RAB11FIP4: variants seen among roughly 807,000 people sequenced by gnomAD.
RAB11FIP4 encodes RAB11 family interacting protein 4.
RAB11FIP4 carries 23 observed loss-of-function variants against 74.3 expected under a neutral mutation model. The ratio of observed to expected loss-of-function variants is 0.31; its 90% CI spans 0.22 to 0.44. The LOEUF (loss-of-function observed/expected upper bound fraction) is 0.44, where lower values mean the gene tolerates loss of function less well. Among genes scored for constraint, RAB11FIP4 ranks in the 20% least tolerant of loss-of-function variants. The pLI is 1.00. For missense variants in RAB11FIP4, 630 were observed against 863.9 expected, an observed-to-expected ratio of 0.73 and a Z score of 3.39; for synonymous variants, 360 against 359.9, an observed-to-expected ratio of 1.00 and a Z score of 0.00.
chr17:31,458,067 G>A (rs11871954), intron 3 of RAB11FIP4, among the ~76,000 whole-genome samples: 2,530 of 152,268 alleles, frequency 0.017, 72 homozygotes, highest in African/African-American at 0.058. Flanking sequence ...TAGGTACTGT[G>A]GTACCCATTT....
At chr17:31,530,596 CCACATGA>C in intron 14 of RAB11FIP4, 127 bp downstream of exon 14, 1 of 1,254,576 alleles carries the variant, frequency 8.0e-7, no homozygotes, top group Non-Finnish European at 1.1e-6. Context: ...TACAGCTACC[CCACATGA>C]CAGGGCAAGG....
intron 1 of RAB11FIP4, among the ~76,000 whole-genome samples, chr17:31,410,358 ACCT>A (rs1178408872): frequency 6.6e-6 from 1 of 152,114 alleles, no homozygotes; most frequent in Non-Finnish European, 1.5e-5. Flanking sequence ...GGAGAAACAT[ACCT>A]GCACCTGCGG....
intron 10 of RAB11FIP4, chr17:31,525,894 A>G (rs2072758518): frequency 6.6e-6 from 1 of 152,366 alleles, no homozygotes; most frequent in East Asian, 1.9e-4. Flanking sequence ...CAGAGAGGAC[A>G]GCTGCCCTGG....
intron 1 of RAB11FIP4, among the ~76,000 whole-genome samples, chr17:31,402,598 T>TTATTTATTTA (rs142035896): frequency 3.2e-4 from 45 of 142,752 alleles, no homozygotes; most frequent in African/African-American, 1.1e-3. Context: ...TTTTATTTAT[T>TTATTTATTTA]TTTATTTATT....
At chr17:31,397,526 C>T (rs968893940) in intron 1 of RAB11FIP4, among the ~76,000 whole-genome samples, 7 of 152,322 alleles carry the variant, frequency 4.6e-5, no homozygotes, top group Middle Eastern at 3.4e-3. Flanking sequence ...AAGGCTGGCA[C>T]ATCAGAAGGA....
At chr17:31,477,075 G>A (rs1305370553) in intron 3 of RAB11FIP4, among the ~76,000 whole-genome samples, 6 of 152,212 alleles carry the variant, frequency 3.9e-5, no homozygotes, top group Non-Finnish European at 8.8e-5. Flanking sequence ...GTCTTTTGTG[G>A]GGTAGCTTGC....
At chr17:31,499,502 C>T (rs1166460604) in intron 3 of RAB11FIP4, among the ~76,000 whole-genome samples, 10 of 152,182 alleles carry the variant, frequency 6.6e-5, no homozygotes, top group Non-Finnish European at 8.8e-5. Flanking sequence ...ATTACAGGCA[C>T]GTGCCACCGT....
intron 3 of RAB11FIP4, among the ~76,000 whole-genome samples, chr17:31,479,006 G>C (rs775227654): frequency 1.3e-5 from 2 of 152,248 alleles, no homozygotes; most frequent in Non-Finnish European, 2.9e-5. Context: ...CAACAAGAGA[G>C]GCAGAAGGGA....
intron 3 of RAB11FIP4, among the ~76,000 whole-genome samples, chr17:31,482,527 G>T: frequency 6.6e-6 from 1 of 151,796 alleles, no homozygotes. Context: ...GGAGACAGAG[G>T]TTGCAGTGAG....
chr17:31,518,834 TTTG>T lies in RAB11FIP4; in HGVS notation c.563+973_563+975del, dbSNP rs540248242. The T allele has an allele frequency of 4.3e-3, 652 of 152,340 alleles. 3 individuals carry two copies. The highest frequency in any genetic ancestry group is 0.013 in the African/African-American group (531 of 41,430). 9.4% of individuals were successfully genotyped at this position (152,340 alleles called of 1,614,324 possible). A position where few individuals can be genotyped will look rare whatever the true frequency, so the allele number is the denominator to read the frequency against. ...ATTTCTGTATGGTGGGATGATTTTT[TTTG>T]TTGTTGTTGTTGTTGAGACAGACTC... is the stretch of plus-strand genomic sequence containing the variant. On this transcript the variant is annotated intron_variant, in intron 4 of 14. Transcript: ENST00000621161.
chr17:31,500,760 C>G (rs1005730791), intron 3 of RAB11FIP4, among the ~76,000 whole-genome samples: 6 of 152,224 alleles, frequency 3.9e-5, no homozygotes, highest in Non-Finnish European at 8.8e-5. Context: ...CATGGTGGCT[C>G]ATGCCTGTAA....
At chr17:31,476,794 T>C (rs1401098195) in intron 3 of RAB11FIP4, among the ~76,000 whole-genome samples, 1 of 152,244 alleles carries the variant, frequency 6.6e-6, no homozygotes, top group Admixed American at 6.5e-5. Flanking sequence ...TGCTGGGCCG[T>C]GGTTTTCCCC....
intron 3 of RAB11FIP4, among the ~76,000 whole-genome samples, chr17:31,493,315 T>C (rs1302683964): frequency 1.3e-5 from 2 of 152,146 alleles, no homozygotes; most frequent in African/African-American, 4.8e-5. Flanking sequence ...TCTTTTGAGG[T>C]ACCAGAAAGA....
intron 3 of RAB11FIP4, among the ~76,000 whole-genome samples, chr17:31,468,596 C>T (rs987061562): frequency 5.3e-5 from 8 of 151,746 alleles, no homozygotes; most frequent in South Asian, 2.1e-4. Context: ...TTTGGGAGGC[C>T]GAGGCAGGCG....
intron 3 of RAB11FIP4, among the ~76,000 whole-genome samples, chr17:31,479,689 G>T (rs1366596901): frequency 6.6e-6 from 1 of 152,154 alleles, no homozygotes; most frequent in Non-Finnish European, 1.5e-5. Context: ...AATCATACCT[G>T]GGTGGAGTTT....
intron 3 of RAB11FIP4, among the ~76,000 whole-genome samples, chr17:31,468,221 T>TGTCTCCCTTCCTCGCTTC (rs1334619266): frequency 2.0e-5 from 3 of 152,162 alleles, no homozygotes; most frequent in South Asian, 4.1e-4. Flanking sequence ...TCAGAGCCTC[T>TGTCTCCCTTCCTCGCTTC]GTCTCCCTTC....
rs2072655893 is a variant in RAB11FIP4 at position 31,521,114 on chromosome 17, T to C, written c.564-52T>C. The C allele has an allele frequency of 4.3e-6, 6 of 1,382,460 alleles. No individual in the cohort carries two copies. The Admixed American group carries it at 1.5e-4, about 34-fold the overall frequency. 85.6% of individuals were successfully genotyped at this position (1,382,460 alleles called of 1,614,324 possible). A position where few individuals can be genotyped will look rare whatever the true frequency, so the allele number is the denominator to read the frequency against. ...CTGTCAGTTTCCCCACCACGGGCTG[T>C]GGCTGGGGACCCATGAGTCCTCCTC... On this transcript the variant is annotated intron_variant, in intron 4 of 14. Coordinates refer to ENST00000621161, the MANE Select transcript of RAB11FIP4 (RefSeq NM_032932.6).
At chr17:31,471,203 C>G (rs1255891757) in intron 3 of RAB11FIP4, among the ~76,000 whole-genome samples, 1 of 151,316 alleles carries the variant, frequency 6.6e-6, no homozygotes, top group Admixed American at 6.6e-5. Flanking sequence ...CCTGGGACCA[C>G]AGGCACACAC....
rs537220997 is a variant in RAB11FIP4 at position 31,536,859 on chromosome 17, G to C, written c.*5127G>C. On this transcript the variant is annotated 3_prime_UTR_variant, in exon 15 of 15. Transcript: ENST00000621161. Reference sequence around the variant, plus strand: ...CTTCTAGAAAGATTTGTTTCTAAAAGCGTAGACCCTGGGGAAGTATAATGT... The same window carrying C: ...CTTCTAGAAAGATTTGTTTCTAAAACCGTAGACCCTGGGGAAGTATAATGT... 7.3e-5 allele frequency: 29 copies of C among 397,736 alleles called. No homozygotes were observed. Among genetic ancestry groups the C allele is most frequent in the African/African-American group, 5.1e-4 (25 of 48,750 alleles). The allele number at this position is 397,736 out of a possible 1,614,324, so 24.6% of individuals were successfully genotyped here. A position where few individuals can be genotyped will look rare whatever the true frequency, so the allele number is the denominator to read the frequency against.
Sources: allele counts gnomAD v4.1 joint callset (sites outside exome capture counted in the v4.1 genomes callset), GRCh38; gene constraint gnomAD v4.1.1; transcripts MANE v1.5; gene names NCBI Gene and HGNC (gene_info 2026-07-23, HGNC 2026-07-21).